ELSPBP1: variants seen among roughly 807,000 people sequenced by gnomAD.
ELSPBP1 encodes epididymal sperm-binding protein 1.
Under a neutral mutation model 33.3 loss-of-function variants are expected in ELSPBP1, and 38 were observed. The ratio of observed to expected loss-of-function variants is 1.14; its 90% CI spans 0.88 to 1.50. The LOEUF (loss-of-function observed/expected upper bound fraction) is 1.50. ELSPBP1 is among the 40% of genes most tolerant of loss of function. The pLI is 0.00. For synonymous variants in ELSPBP1, 85 were observed against 94.1 expected, an observed-to-expected ratio of 0.90 and a Z score of 0.56; for missense variants, 267 against 263.5, an observed-to-expected ratio of 1.01 and a Z score of -0.09.
intron 4 of ELSPBP1, among the ~76,000 whole-genome samples, chr19:48,019,252 T>A (rs1856095825): frequency 6.6e-6 from 1 of 152,066 alleles, no homozygotes; most frequent in Admixed American, 6.6e-5. Flanking sequence ...ATGGGGGATG[T>A]GATTTGGATT....
Position 48,008,724 on chromosome 19 carries a change from T to C in ELSPBP1, c.57T>C (p.Tyr19=), listed in dbSNP as rs1384309048. 1 of 1,613,680 alleles carries C rather than the reference T, an allele frequency of 6.2e-7. No homozygotes were observed. The highest frequency in any genetic ancestry group is 1.7e-5 in the Admixed American group (1 of 59,966). The change falls in exon 2 of 7, where the codon TAT becomes TAC. Residue 19 remains tyrosine, a synonymous_variant. Coordinates refer to ENST00000339841, the MANE Select transcript of ELSPBP1 (RefSeq NM_022142.5). ...GGACAACCTTCCTTCTCTATTCCTA[T>C]GAGTCAAGTGGAGGTAAGGACACTC... ...LGWTTFLLYS[Y]ESSGGMHEEC...
At chr19:47,999,679 C>A (rs757111618) in intron 1 of ELSPBP1, among the ~76,000 whole-genome samples, 8 of 151,642 alleles carry the variant, frequency 5.3e-5, no homozygotes, top group Non-Finnish European at 1.2e-4. Flanking sequence ...TGAGCCACCA[C>A]CCTGGTCAGA....
chr19:48,006,936 G>T (rs1375953915), intron 1 of ELSPBP1, among the ~76,000 whole-genome samples: 1 of 152,124 alleles, frequency 6.6e-6, no homozygotes, highest in Non-Finnish European at 1.5e-5. Context: ...AGCACTGTTG[G>T]GAGAGGAAAA....
chr19:48,013,913 A>C (rs1353500655), intron 2 of ELSPBP1, among the ~76,000 whole-genome samples: 4 of 151,918 alleles, frequency 2.6e-5, no homozygotes, highest in Admixed American at 2.0e-4. Flanking sequence ...ACATCGTAGA[A>C]GGGGCTAGCT....
chr19:48,009,974 C>T (rs12972045), intron 2 of ELSPBP1, among the ~76,000 whole-genome samples: 104,733 of 151,848 alleles, frequency 0.69, 36,368 homozygotes, highest in East Asian at 0.85. Flanking sequence ...GTCTGGAGGA[C>T]CTTGGAGGAG....
chr19:48,010,751 T>C (rs1967067800), intron 2 of ELSPBP1, among the ~76,000 whole-genome samples: 1 of 152,152 alleles, frequency 6.6e-6, no homozygotes, highest in African/African-American at 2.4e-5. Flanking sequence ...GTCAAGGGAA[T>C]GTTAATCAGG....
At chr19:47,997,510 ACT>A (rs1966922942) in intron 1 of ELSPBP1, among the ~76,000 whole-genome samples, 1 of 152,156 alleles carries the variant, frequency 6.6e-6, no homozygotes, top group South Asian at 2.1e-4. Context: ...ATGTATAATT[ACT>A]GTTTCTAAAA....
chr19:48,018,195 C>T (rs747544269), intron 4 of ELSPBP1, among the ~76,000 whole-genome samples: 5 of 152,146 alleles, frequency 3.3e-5, no homozygotes, highest in South Asian at 2.1e-4. Context: ...ATAGCTTTAC[C>T]GCTTCACAGT....
At chr19:48,023,278 AAGG>A (rs572528539) in intron 6 of ELSPBP1, among the ~76,000 whole-genome samples, 135 of 137,164 alleles carry the variant, frequency 9.8e-4, no homozygotes, top group Non-Finnish European at 1.2e-3. Context: ...GGAAAGAAGA[AAGG>A]AGGGAGGAAA....
At chr19:48,019,010 G>A (rs145367925) in intron 4 of ELSPBP1, among the ~76,000 whole-genome samples, 27 of 152,022 alleles carry the variant, frequency 1.8e-4, no homozygotes, top group Middle Eastern at 3.4e-3. Context: ...AAAAATTAGC[G>A]ACGCATGGTG....
chr19:48,014,265 CA>C lies in ELSPBP1; in HGVS notation c.166del (p.Arg56GlufsTer40). 5 of 1,614,044 alleles carry C rather than the reference CA, an allele frequency of 3.1e-6. No individual in the cohort carries two copies. The highest frequency in any genetic ancestry group is 4.2e-6 in the Non-Finnish European group (5 of 1,179,992). Reference protein sequence around the residue: ...IHSLSPWCATRAVYNGQWKYC... With the variant: ...IHSLSPWCATXAVYNGQWKYC... ...ATAGCTTATCCCCTTGGTGTGCCAC[CA>C]GAGCCGTGTACAACGGCCAGTGGAA... On this transcript the variant is annotated frameshift_variant, in exon 3 of 7. Transcript: ENST00000339841. LOFTEE classifies it high-confidence loss of function.
intron 1 of ELSPBP1, among the ~76,000 whole-genome samples, chr19:48,002,392 G>T (rs959981582): frequency 6.6e-6 from 1 of 152,168 alleles, no homozygotes; most frequent in African/African-American, 2.4e-5. Context: ...TAGGAATTGG[G>T]GTTTTGGGCC....
At chr19:48,003,944 CTA>C (rs1568403613) in intron 1 of ELSPBP1, among the ~76,000 whole-genome samples, 11 of 104,496 alleles carry the variant, frequency 1.1e-4, no homozygotes, top group Non-Finnish European at 1.9e-4. Flanking sequence ...CTATTCTATT[CTA>C]TTCTATTCTA....
chr19:48,001,190 G>A (rs952820074), intron 1 of ELSPBP1, among the ~76,000 whole-genome samples: 5 of 107,256 alleles, frequency 4.7e-5, no homozygotes, highest in African/African-American at 1.6e-4. Flanking sequence ...TTTTTTTTTT[G>A]ACACAGAGTC....
At chr19:47,998,904 C>T (rs1966939685) in intron 1 of ELSPBP1, among the ~76,000 whole-genome samples, 1 of 152,178 alleles carries the variant, frequency 6.6e-6, no homozygotes. Flanking sequence ...CGCATGCTCA[C>T]TTCCCAAGCC....
intron 3 of ELSPBP1, 100 bp downstream of exon 3, chr19:48,014,408 A>G (rs2122319497): frequency 7.3e-7 from 1 of 1,366,922 alleles, no homozygotes; most frequent in Admixed American, 2.1e-5. Flanking sequence ...TTTTGCAGAC[A>G]AACGGTAATA....
chr19:48,024,635 C>T (rs1967251113), intron 6 of ELSPBP1, among the ~76,000 whole-genome samples: 1 of 152,108 alleles, frequency 6.6e-6, no homozygotes, highest in Non-Finnish European at 1.5e-5. Context: ...TAAAAAACAC[C>T]CACAGTGGCG....
intron 1 of ELSPBP1, among the ~76,000 whole-genome samples, chr19:48,000,687 T>C (rs77751759): frequency 0.013 from 1,918 of 152,250 alleles, 42 homozygotes; most frequent in African/African-American, 0.043. Context: ...TATTTCTCCA[T>C]TGTGGAGATG....
chr19:47,997,718 T>C (rs924114693), intron 1 of ELSPBP1, among the ~76,000 whole-genome samples: 6 of 152,152 alleles, frequency 3.9e-5, no homozygotes, highest in South Asian at 2.1e-4. Flanking sequence ...ACTGATGTGA[T>C]ATTTTGATAC....
Sources: allele counts gnomAD v4.1 joint callset (sites outside exome capture counted in the v4.1 genomes callset), GRCh38; gene constraint gnomAD v4.1.1; transcripts MANE v1.5; gene names NCBI Gene and HGNC (gene_info 2026-07-23, HGNC 2026-07-21).